Variants in PHLPP1 observed in about 807,000 individuals in gnomAD.
PHLPP1 encodes PH domain leucine-rich repeat-containing protein phosphatase 1.
Under a neutral mutation model 117.2 loss-of-function variants are expected in PHLPP1, and 42 were observed. The ratio of observed to expected loss-of-function variants is 0.36; its 90% CI spans 0.28 to 0.46. PHLPP1 has a LOEUF of 0.46. Among genes scored for constraint, PHLPP1 ranks in the 20% least tolerant of loss-of-function variants. PHLPP1 has a pLI of 1.00. For missense variants in PHLPP1, 2,084 were observed against 2,241.9 expected, an observed-to-expected ratio of 0.93 and a Z score of 1.42; for synonymous variants, 1,042 against 970.7, an observed-to-expected ratio of 1.07 and a Z score of -1.37.
chr18:62,958,881 C>CT, intron 13 of PHLPP1, 122 bp downstream of exon 13: 7 of 1,072,558 alleles, frequency 6.5e-6, no homozygotes, highest in African/African-American at 1.6e-5. Flanking sequence ...TTAACACACA[C>CT]AACAGGATAT....
In PHLPP1 at chr18:62,914,977, G is replaced by C; in HGVS notation, c.2773G>C (p.Gly925Arg). Residue 925 changes from glycine to arginine, a missense_variant, in exon 9 of 17, where the codon GGC (glycine) becomes CGC (arginine). By Grantham distance (125) the Gly-to-Arg change is moderately radical (BLOSUM62 -2). This residue lies in a region of PHLPP1 where 1,365 missense variants were observed against 1,605.9 expected (regional missense o/e 0.85). Coordinates refer to ENST00000262719, the MANE Select transcript of PHLPP1 (RefSeq NM_194449.4). Reference protein sequence around the residue: ...ESRKLEVLDIGHNQICELPAR... With the variant: ...ESRKLEVLDIRHNQICELPAR... ...CCGAAAGCTAGAAGTTTTGGATATT[G>C]GCCATAATCAAATATGTGAACTTCC... 1 of 1,613,538 alleles carries C rather than the reference G, an allele frequency of 6.2e-7. No individual in the cohort carries two copies. The highest frequency in any genetic ancestry group is 1.7e-5 in the Admixed American group (1 of 59,978).
chr18:62,797,230 A>AT (rs1225558892), intron 1 of PHLPP1, among the ~76,000 whole-genome samples: 2 of 152,188 alleles, frequency 1.3e-5, no homozygotes, highest in Non-Finnish European at 2.9e-5. Context: ...CATCTTAAAC[A>AT]TTTTTTACCA....
chr18:62,852,633 A>G lies in PHLPP1; in HGVS notation c.1900-7802A>G, dbSNP rs535776780. On this transcript the variant is annotated intron_variant, in intron 3 of 16. Transcript: ENST00000262719. ...GCTGGGATTACAGGCGTGAGCCACCATGCCCGGCAGGTTGACAGCAGTGTT... is the reference window on the plus strand; with the variant it reads ...GCTGGGATTACAGGCGTGAGCCACCGTGCCCGGCAGGTTGACAGCAGTGTT... 8.5e-5 allele frequency among the ~76,000 whole-genome samples: 13 copies of G among 152,260 alleles called. No homozygotes were observed. In the East Asian group the frequency reaches 2.5e-3, roughly 29 times the overall value.
intron 14 of PHLPP1, among the ~76,000 whole-genome samples, chr18:62,964,269 A>G (rs1910846738): frequency 6.6e-6 from 1 of 152,174 alleles, no homozygotes; most frequent in Non-Finnish European, 1.5e-5. Flanking sequence ...CACACATTAG[A>G]ATCAGTAAGG....
chr18:62,896,588 C>T (rs967322022), intron 6 of PHLPP1, among the ~76,000 whole-genome samples: 6 of 152,046 alleles, frequency 3.9e-5, no homozygotes, highest in Non-Finnish European at 2.9e-5. Context: ...AGCCACCATG[C>T]CCGTCCTGTT....
chr18:62,749,043 A>C (rs1443598508), intron 1 of PHLPP1, among the ~76,000 whole-genome samples: 3 of 152,136 alleles, frequency 2.0e-5, no homozygotes, highest in African/African-American at 7.2e-5. Flanking sequence ...ACAAAACCCC[A>C]AAAACAAAGA....
intron 9 of PHLPP1, among the ~76,000 whole-genome samples, chr18:62,917,099 C>T (rs1909306438): frequency 1.3e-5 from 2 of 150,694 alleles, no homozygotes; most frequent in South Asian, 4.2e-4. Flanking sequence ...CCCTCAATCC[C>T]ACAGATAGCA....
intron 1 of PHLPP1, among the ~76,000 whole-genome samples, chr18:62,737,482 T>G (rs1195339071): frequency 6.6e-6 from 1 of 152,216 alleles, no homozygotes; most frequent in Admixed American, 6.5e-5. Flanking sequence ...ACTAGAAACT[T>G]GAAGACTGCC....
At chr18:62,927,863 G>GA (rs967035376) in intron 10 of PHLPP1, among the ~76,000 whole-genome samples, 2 of 151,972 alleles carry the variant, frequency 1.3e-5, no homozygotes, top group East Asian at 1.9e-4. Flanking sequence ...AAGTACATGT[G>GA]AAAAAGAGTA....
At position 62,838,780 on chromosome 18, in the gene PHLPP1, A is replaced by G. The variant is rs773346119; in HGVS notation, c.1774-4A>G. On this transcript the variant is annotated splice_region_variant and splice_polypyrimidine_tract_variant and intron_variant, in intron 2 of 16. Coordinates refer to ENST00000262719, the MANE Select transcript of PHLPP1 (RefSeq NM_194449.4). ...TTTCTGCTTCTCTCTGTTTGCTTTTATAGGTAGAAGAAGTGAAAAAGCACC... is the reference window on the plus strand; with the variant it reads ...TTTCTGCTTCTCTCTGTTTGCTTTTGTAGGTAGAAGAAGTGAAAAAGCACC... The G allele has an allele frequency of 9.3e-6, 15 of 1,613,458 alleles. No individual in the cohort carries two copies. In the Admixed American group the frequency reaches 2.3e-4, roughly 25 times the overall value.
Position 62,853,463 on chromosome 18 carries a change from G to T in PHLPP1, c.1900-6972G>T, listed in dbSNP as rs578092952. Among the ~76,000 whole-genome samples, 4 of 151,638 alleles carry T rather than the reference G, an allele frequency of 2.6e-5. No individual in the cohort carries two copies. The East Asian group carries it at 7.8e-4, about 29-fold the overall frequency. On this transcript the variant is annotated intron_variant, in intron 3 of 16. Coordinates refer to ENST00000262719, the MANE Select transcript of PHLPP1 (RefSeq NM_194449.4). ...TGGCTCCCTGCAACCTCTGCCTCTC[G>T]GGTTCAAGCGATTCTCCTACCTCAG...
chr18:62,957,742 A>T (rs1388139733), intron 12 of PHLPP1, among the ~76,000 whole-genome samples: 3 of 142,528 alleles, frequency 2.1e-5, no homozygotes, highest in African/African-American at 2.6e-5. Context: ...TGAGATGGAG[A>T]TTTACTCTTG....
At chr18:62,783,146 GT>G (rs142595310) in intron 1 of PHLPP1, among the ~76,000 whole-genome samples, 19,896 of 131,376 alleles carry the variant, frequency 0.15, 2,956 homozygotes, top group African/African-American at 0.4. Context: ...TGTTTTCAGA[GT>G]TTTAAAAAAA....
chr18:62,917,022 G>A (rs974563361), intron 9 of PHLPP1, among the ~76,000 whole-genome samples: 4 of 150,730 alleles, frequency 2.7e-5, no homozygotes, highest in African/African-American at 7.3e-5. Context: ...CCAAAGTGCT[G>A]GGATTATAGC....
chr18:62,801,682 C>T (rs1002988533), intron 1 of PHLPP1, among the ~76,000 whole-genome samples: 19 of 152,034 alleles, frequency 1.2e-4, no homozygotes, highest in Admixed American at 8.5e-4. Flanking sequence ...AAACTCCTGA[C>T]GTCAAGTGGT....
chr18:62,853,871 T>C (rs1321364863), intron 3 of PHLPP1, among the ~76,000 whole-genome samples: 1 of 152,204 alleles, frequency 6.6e-6, no homozygotes, highest in East Asian at 1.9e-4. Flanking sequence ...GTGGTAGACA[T>C]TGCTGTGGAG....
intron 1 of PHLPP1, among the ~76,000 whole-genome samples, chr18:62,747,831 T>C (rs1453047626): frequency 6.6e-6 from 1 of 152,174 alleles, no homozygotes; most frequent in Non-Finnish European, 1.5e-5. Flanking sequence ...ATTTTTTTTC[T>C]TTTATTTCAT....
At chr18:62,730,684 C>T (rs948604109) in intron 1 of PHLPP1, among the ~76,000 whole-genome samples, 4 of 150,700 alleles carry the variant, frequency 2.7e-5, no homozygotes, top group African/African-American at 9.8e-5. Flanking sequence ...ATCAGCTACT[C>T]GGGAGGCTGA....
chr18:62,914,066 C>A (rs1037188008), intron 8 of PHLPP1, among the ~76,000 whole-genome samples: 25 of 152,010 alleles, frequency 1.6e-4, no homozygotes, highest in Non-Finnish European at 5.9e-5. Context: ...TTTATAGTAA[C>A]TGTAATTACC....
Sources: allele counts gnomAD v4.1 joint callset (sites outside exome capture counted in the v4.1 genomes callset), GRCh38; gene constraint gnomAD v4.1.1; regional missense constraint gnomAD v4.1.1; transcripts MANE v1.5; gene names NCBI Gene and HGNC (gene_info 2026-07-23, HGNC 2026-07-21).